FSTL4: variants seen among roughly 807,000 people sequenced by gnomAD.
FSTL4 encodes follistatin like 4.
FSTL4 carries 28 observed loss-of-function variants against 78.2 expected under a neutral mutation model. The ratio of observed to expected loss-of-function variants is 0.36; its 90% CI spans 0.27 to 0.49. The LOEUF is 0.49. FSTL4 is among the 20% of genes least tolerant of loss of function. The pLI, the probability that FSTL4 is intolerant of heterozygous loss-of-function variation, is 0.98. For synonymous variants in FSTL4, 422 were observed against 440.5 expected (o/e 0.96, Z 0.53); for missense variants, 922 against 1,084.9 (o/e 0.85, Z 2.11).
chr5:133,630,836 A>G, the FSTL4 span, among the ~76,000 whole-genome samples: 6 of 152,322 alleles, frequency 3.9e-5, no homozygotes, highest in East Asian at 7.7e-4. Context: ...ATAATGCCAC[A>G]TATCTACAAC....
chr5:133,812,445 T>G, the FSTL4 span, among the ~76,000 whole-genome samples: 2 of 152,202 alleles, frequency 1.3e-5, no homozygotes, highest in Non-Finnish European at 2.9e-5. Flanking sequence ...TTCCTATGGG[T>G]CTTCCTTCTG....
At chr5:133,765,004 GC>G in the FSTL4 span, among the ~76,000 whole-genome samples, 1 of 152,240 alleles carries the variant, frequency 6.6e-6, no homozygotes, top group Non-Finnish European at 1.5e-5. Flanking sequence ...AATATGCTGC[GC>G]TTTATGCCGT....
At chr5:133,765,341 T>C in the FSTL4 span, among the ~76,000 whole-genome samples, 1 of 152,198 alleles carries the variant, frequency 6.6e-6, no homozygotes, top group South Asian at 2.1e-4. Context: ...TGAACCAGTA[T>C]ACAACTAAAT....
At chr5:133,522,412 T>C (rs1024003924) in intron 3 of FSTL4, among the ~76,000 whole-genome samples, 1 of 152,228 alleles carries the variant, frequency 6.6e-6, no homozygotes, top group Non-Finnish European at 1.5e-5. Flanking sequence ...CTCTTGGGCA[T>C]TGGGATTTAA....
chr5:133,364,905 C>G (rs956245676), intron 4 of FSTL4, among the ~76,000 whole-genome samples: 18 of 152,052 alleles, frequency 1.2e-4, no homozygotes, highest in Non-Finnish European at 2.2e-4. Context: ...TGATGTTCAT[C>G]CCCCTCTTAA....
At chr5:133,527,495 A>C (rs1031413295) in intron 3 of FSTL4, among the ~76,000 whole-genome samples, 20 of 69,706 alleles carry the variant, frequency 2.9e-4, no homozygotes, top group African/African-American at 7.7e-4. Context: ...ACACACACAC[A>C]CACACACCCA....
chr5:133,681,170 C>T, the FSTL4 span, among the ~76,000 whole-genome samples: 268 of 152,362 alleles, frequency 1.8e-3, no homozygotes, highest in Middle Eastern at 0.014. Flanking sequence ...CAGGCTTGGC[C>T]TCCTGCTTCG....
the FSTL4 span, among the ~76,000 whole-genome samples, chr5:133,694,260 T>C: frequency 3.9e-5 from 6 of 152,190 alleles, no homozygotes; most frequent in East Asian, 1.9e-4. Context: ...TGTGCTGTCC[T>C]CCCAGGCCCA....
chr5:133,470,167 C>A (rs866117286), intron 3 of FSTL4, among the ~76,000 whole-genome samples: 1 of 152,150 alleles, frequency 6.6e-6, no homozygotes, highest in Non-Finnish European at 1.5e-5. Context: ...CTTGTGCTGT[C>A]CTTACTTCCG....
At chr5:133,708,518 C>T in the FSTL4 span, among the ~76,000 whole-genome samples, 5 of 152,180 alleles carry the variant, frequency 3.3e-5, no homozygotes, top group African/African-American at 1.2e-4. Context: ...CTGACCGTTC[C>T]TCCTCCCAGA....
At chr5:133,528,557 T>C (rs1420717053) in intron 3 of FSTL4, among the ~76,000 whole-genome samples, 1 of 152,190 alleles carries the variant, frequency 6.6e-6, no homozygotes, top group African/African-American at 2.4e-5. Flanking sequence ...CTCCCTGAGC[T>C]TGTCATGGGA....
chr5:133,537,447 A>G (rs1759371299), intron 3 of FSTL4, among the ~76,000 whole-genome samples: 1 of 152,186 alleles, frequency 6.6e-6, no homozygotes, highest in South Asian at 2.1e-4. Flanking sequence ...TTGATTTTGT[A>G]TTTAACAACC....
intron 11 of FSTL4, among the ~76,000 whole-genome samples, chr5:133,223,543 C>T (rs983074828): frequency 3.9e-5 from 6 of 152,120 alleles, no homozygotes; most frequent in Non-Finnish European, 7.3e-5. Flanking sequence ...GACTGGGACC[C>T]GGGCATGCAC....
chr5:133,645,024 A>ATGG, the FSTL4 span, among the ~76,000 whole-genome samples: 4 of 151,836 alleles, frequency 2.6e-5, no homozygotes, highest in Non-Finnish European at 5.9e-5. Flanking sequence ...TTTGGTCCTA[A>ATGG]TGGTGGTAAT....
intron 7 of FSTL4, among the ~76,000 whole-genome samples, chr5:133,240,696 C>T (rs1253648256): frequency 6.6e-6 from 1 of 152,186 alleles, no homozygotes; most frequent in Admixed American, 6.5e-5. Flanking sequence ...GCGCATGACT[C>T]ATCTCTTTGT....
At chr5:133,516,996 G>GA (rs1758865217) in intron 3 of FSTL4, among the ~76,000 whole-genome samples, 1 of 151,744 alleles carries the variant, frequency 6.6e-6, no homozygotes, top group Non-Finnish European at 1.5e-5. Context: ...GAGGATCTTT[G>GA]GTCCCAGGAA....
At chr5:133,796,817 T>C in the FSTL4 span, among the ~76,000 whole-genome samples, 2 of 152,134 alleles carry the variant, frequency 1.3e-5, no homozygotes, top group Admixed American at 6.5e-5. Flanking sequence ...ATTTAGGGCC[T>C]CGGGTATCCA....
At chr5:133,380,344 T>A (rs967526603) in intron 4 of FSTL4, among the ~76,000 whole-genome samples, 1 of 151,426 alleles carries the variant, frequency 6.6e-6, no homozygotes, top group African/African-American at 2.4e-5. Context: ...CTAAAAATAG[T>A]AAGGAGGATG....
intron 14 of FSTL4, chr5:133,208,443 T>TAAA (rs751727053): frequency 0.34 from 51,050 of 151,994 alleles, 9,619 homozygotes; most frequent in Middle Eastern, 0.42. Context: ...CAGTTTAGCC[T>TAAA]GGACTTGTAG....
Sources: allele counts gnomAD v4.1 joint callset (sites outside exome capture counted in the v4.1 genomes callset), GRCh38; gene constraint gnomAD v4.1.1; transcripts MANE v1.5; gene names NCBI Gene and HGNC (gene_info 2026-07-23, HGNC 2026-07-21).